GLI4: variants seen among roughly 807,000 people sequenced by gnomAD.
The protein encoded by GLI4 is GLI family zinc finger 4.
A neutral mutation model predicts 30.9 loss-of-function variants in GLI4; 34 were observed. The ratio of observed to expected loss-of-function variants is 1.10; its 90% CI spans 0.84 to 1.47. GLI4 has a LOEUF of 1.47. Ranked by LOEUF, GLI4 falls within the 40% of genes most tolerant of loss-of-function variation. The probability of loss-of-function intolerance (pLI) is 0.00; values close to 1 mark genes in which losing one functional copy is unlikely to be tolerated. For synonymous variants in GLI4, 277 were observed against 236.7 expected (o/e 1.17, Z -1.56); for missense variants, 696 against 538.9 (o/e 1.29, Z -2.89).
intron 3 of GLI4, 96 bp downstream of exon 3, chr8:143,274,898 C>T (rs574992843): frequency 2.7e-6 from 4 of 1,489,512 alleles, no homozygotes; most frequent in East Asian, 2.5e-5. Flanking sequence ...ATGCTGGCAC[C>T]ACCCCCTTCC....
chr8:143,276,850 C>T lies in GLI4; in HGVS notation c.*46C>T, dbSNP rs1246834488. On this transcript the variant is annotated 3_prime_UTR_variant, in exon 4 of 4. Transcript: ENST00000340042. ...CGGCCTCCTACCTGCCCCCAACCCACCCTCCACCCCGTCCCCCACGGTGGG... is the reference window on the plus strand; with the variant it reads ...CGGCCTCCTACCTGCCCCCAACCCATCCTCCACCCCGTCCCCCACGGTGGG... 8.2e-7 allele frequency: 1 copy of T among 1,215,598 alleles called. No individual in the cohort carries two copies. Among genetic ancestry groups the T allele is most frequent in the East Asian group, 2.5e-5 (1 of 39,532 alleles). 75.3% of individuals were successfully genotyped at this position (1,215,598 alleles called of 1,614,324 possible).
intron 3 of GLI4, chr8:143,275,569 CTT>C: frequency 8.0e-7 from 1 of 1,250,620 alleles, no homozygotes; most frequent in African/African-American, 1.5e-5. Flanking sequence ...CTCACCAACA[CTT>C]AGTGCTTCCT....
In GLI4 at chr8:143,276,890, G is replaced by C; in HGVS notation, c.*86G>C. 1 of 797,608 alleles carries C rather than the reference G, an allele frequency of 1.3e-6. No homozygotes were observed. Among genetic ancestry groups the C allele is most frequent in the Non-Finnish European group, 1.9e-6 (1 of 516,120 alleles). 49.4% of individuals were successfully genotyped at this position (797,608 alleles called of 1,614,324 possible). A position where few individuals can be genotyped will look rare whatever the true frequency, so the allele number is the denominator to read the frequency against. On this transcript the variant is annotated 3_prime_UTR_variant, in exon 4 of 4. Coordinates refer to ENST00000340042, the MANE Select transcript of GLI4 (RefSeq NM_138465.4). ...CCCACGGTGGGCACTGCCCAGCACCGCATGCCACGTGTCCGGAATAAATTC... is the reference window on the plus strand; with the variant it reads ...CCCACGGTGGGCACTGCCCAGCACCCCATGCCACGTGTCCGGAATAAATTC...
At position 143,276,646 on chromosome 8, in the gene GLI4, T is replaced by A. The variant is rs770954328; in HGVS notation, c.973T>A (p.Cys325Ser). The change falls in exon 4 of 4, where the codon TGC becomes AGC. Residue 325 changes from cysteine (C) to serine (S), a missense_variant. Physicochemically the swap from Cys to Ser is moderately radical, Grantham distance 112 (BLOSUM62 -1). Transcript: ENST00000340042. Reference sequence around the variant, plus strand: ...CCACACTGGCGAGAAGCCCTACGAGTGCTCCGACTGCGGCAAAGCCTTCCG... The same window carrying A: ...CCACACTGGCGAGAAGCCCTACGAGAGCTCCGACTGCGGCAAAGCCTTCCG... ...RIHTGEKPYE[C>S]SDCGKAFRGR... The A allele has an allele frequency of 6.2e-7, 1 of 1,612,166 alleles. No individual in the cohort carries two copies. Among genetic ancestry groups the A allele is most frequent in the South Asian group, 1.1e-5 (1 of 91,046 alleles).
rs369475004 is a variant in GLI4 at position 143,269,384 on chromosome 8, G to A, written c.-13G>A. ...GGTCCCAGGTGTGACACCTTCAGCA[G>A]GTCTCAGGGAAGATGGCAGCCCTAG... On this transcript the variant is annotated 5_prime_UTR_variant, in exon 2 of 4. Transcript: ENST00000340042. The A allele has an allele frequency of 6.2e-7, 1 of 1,611,088 alleles. No homozygotes were observed.
chr8:143,270,174 T>G (rs1815234200), intron 2 of GLI4, among the ~76,000 whole-genome samples: 1 of 152,254 alleles, frequency 6.6e-6, no homozygotes, highest in African/African-American at 2.4e-5. Flanking sequence ...AGGCCCCATA[T>G]AGGTCAAGCC....
chr8:143,275,800 C>G, intron 3 of GLI4, 97 bp from the exon 4 acceptor site: 1 of 1,245,230 alleles, frequency 8.0e-7, no homozygotes, highest in Non-Finnish European at 1.0e-6. Context: ...CCCTCTAAGC[C>G]CCCCCGTCCA....
chr8:143,275,171 C>CCCT, intron 3 of GLI4: 1 of 1,535,732 alleles, frequency 6.5e-7, no homozygotes, highest in South Asian at 1.2e-5. Context: ...ATCCTGTGTC[C>CCCT]CCTCCTCCTC....
chr8:143,273,336 C>G (rs1403413289), intron 2 of GLI4: 1 of 152,262 alleles, frequency 6.6e-6, no homozygotes, highest in African/African-American at 2.4e-5. Flanking sequence ...CCACATCCTG[C>G]TTTGGGGCAG....
rs1372839430 is a variant in GLI4, at chr8:143,275,751, C to T, written c.224-146C>T. 3 of 1,239,666 alleles carry T rather than the reference C, an allele frequency of 2.4e-6. No individual in the cohort carries two copies. The African/African-American group carries it at 4.7e-5, about 19-fold the overall frequency. 76.8% of individuals were successfully genotyped at this position (1,239,666 alleles called of 1,614,324 possible). On this transcript the variant is annotated intron_variant, in intron 3 of 3. Coordinates refer to ENST00000340042, the MANE Select transcript of GLI4 (RefSeq NM_138465.4). ...GCACGGCACTCCGAGCCCCTGTCCG[C>T]TTGTCTCCCATCCACTGGGTGCCTG...
At chr8:143,274,957 C>T (rs1383639700) in intron 3 of GLI4, 155 bp downstream of exon 3, 2 of 1,479,148 alleles carry the variant, frequency 1.4e-6, no homozygotes, top group Non-Finnish European at 1.8e-6. Flanking sequence ...CCCCGTGGCC[C>T]CTCCCCCACT....
rs1298725597 is a variant in GLI4, at chr8:143,269,451, C to G, written c.55C>G (p.Leu19Val). The change falls in exon 2 of 4, where the codon CTC (leucine) becomes GTC (valine). Residue 19 changes from leucine to valine, a missense_variant. Leu to Val is a conservative substitution (Grantham distance 32). Coordinates refer to ENST00000340042, the MANE Select transcript of GLI4 (RefSeq NM_138465.4). ...CCCTTCTGTCCCGTCCCCTGTCAGTCTCTCATCACCGGGGACACCTGGAAC... is the reference window on the plus strand; with the variant it reads ...CCCTTCTGTCCCGTCCCCTGTCAGTGTCTCATCACCGGGGACACCTGGAAC... The part of the protein sequence containing the change: ...ESPSVPSPVS[L>V]SSPGTPGTQH... 1 of 1,609,104 alleles carries G rather than the reference C, an allele frequency of 6.2e-7. No homozygotes were observed. The highest frequency in any genetic ancestry group is 1.3e-5 in the African/African-American group (1 of 74,820).
At chr8:143,274,114 G>C (rs199849712) in intron 2 of GLI4, among the ~76,000 whole-genome samples, 1 of 152,232 alleles carries the variant, frequency 6.6e-6, no homozygotes, top group East Asian at 1.9e-4. Flanking sequence ...CCAGGGGTGA[G>C]GGGCTCATAG....
At chr8:143,267,813 C>T (rs1206326333) in intron 1 of GLI4, 1 of 985,292 alleles carries the variant, frequency 1.0e-6, no homozygotes, top group East Asian at 1.1e-4. Context: ...CCCGCCGCTC[C>T]GGAGCGAGGA....
chr8:143,275,141 T>TC (rs561900379), intron 3 of GLI4: 20 of 1,535,184 alleles, frequency 1.3e-5, no homozygotes, highest in Non-Finnish European at 1.4e-5. Flanking sequence ...GGCACCACTG[T>TC]CCCCCCAGAT....
At chr8:143,273,570 A>G (rs898564828) in intron 2 of GLI4, among the ~76,000 whole-genome samples, 3 of 151,734 alleles carry the variant, frequency 2.0e-5, no homozygotes, top group Admixed American at 2.0e-4. Flanking sequence ...TGGTCACCCC[A>G]CCGCAGCTGG....
chr8:143,272,926 G>T (rs1440538275), intron 2 of GLI4, among the ~76,000 whole-genome samples: 1 of 152,184 alleles, frequency 6.6e-6, no homozygotes. Flanking sequence ...GACTCTGAGG[G>T]TGTCTCCGGG....
chr8:143,274,885 C>CT, intron 3 of GLI4, 83 bp downstream of exon 3: 1 of 1,499,516 alleles, frequency 6.7e-7, no homozygotes, highest in Non-Finnish European at 9.0e-7. Flanking sequence ...TGTGGCACCC[C>CT]CAATGCTGGC....
At chr8:143,270,653 G>C (rs1815247502) in intron 2 of GLI4, among the ~76,000 whole-genome samples, 1 of 152,164 alleles carries the variant, frequency 6.6e-6, no homozygotes, top group African/African-American at 2.4e-5. Flanking sequence ...GCCCACCCTT[G>C]CCCTCTCATG....
Sources: allele counts gnomAD v4.1 joint callset (sites outside exome capture counted in the v4.1 genomes callset), GRCh38; gene constraint gnomAD v4.1.1; transcripts MANE v1.5; gene names NCBI Gene and HGNC (gene_info 2026-07-23, HGNC 2026-07-21).